Variants in DSCAML1 observed in about 807,000 individuals in gnomAD.
DSCAML1 encodes the protein cell adhesion molecule DSCAML1.
In DSCAML1, 38 loss-of-function variants were observed where a neutral mutation model predicts 200.5. The observed-to-expected ratio is 0.19, with a 90% CI of 0.15 to 0.25. The LOEUF (loss-of-function observed/expected upper bound fraction) is 0.25. Among genes scored for constraint, DSCAML1 ranks in the 10% least tolerant of loss-of-function variants. The probability of loss-of-function intolerance (pLI) is 1.00; values close to 1 mark genes in which losing one functional copy is unlikely to be tolerated. For synonymous variants in DSCAML1, 1,215 were observed against 1,165.0 expected (o/e 1.04, Z -0.87); for missense variants, 2,223 against 2,858.8 (o/e 0.78, Z 5.07).
At position 117,458,768 on chromosome 11, in the gene DSCAML1, T is replaced by C; in HGVS notation, c.3554A>G (p.Gln1185Arg). Residue 1185 changes from glutamine (Q) to arginine (R), a missense_variant, in exon 19 of 33, where the codon CAG becomes CGG. By Grantham distance (43) the Gln-to-Arg change is conservative. Transcript: ENST00000651296. ...DGVRSSVLYI[Q>R]TKEDVPGPPA... Reference sequence around the variant, plus strand: ...CCTGGACTCACCGTCCTCCTTGGTCTGGATGTAGAGCACACTGCTGCGTAC... The same window carrying C: ...CCTGGACTCACCGTCCTCCTTGGTCCGGATGTAGAGCACACTGCTGCGTAC... 1 of 1,613,428 alleles carries C rather than the reference T, an allele frequency of 6.2e-7. No individual in the cohort carries two copies. The highest frequency in any genetic ancestry group is 8.5e-7 in the Non-Finnish European group (1 of 1,179,988).
At chr11:117,559,219 G>A (rs574998171) in intron 3 of DSCAML1, among the ~76,000 whole-genome samples, 2 of 152,182 alleles carry the variant, frequency 1.3e-5, no homozygotes, top group Admixed American at 1.3e-4. Context: ...GGAAAATGCC[G>A]ACCGCCATCA....
At chr11:117,512,761 TCACACACACACACACACACACACACACA>T in intron 8 of DSCAML1, among the ~76,000 whole-genome samples, 1 of 113,158 alleles carries the variant, frequency 8.8e-6, no homozygotes, top group South Asian at 3.5e-4. Context: ...TCCTCTAGGA[TCACACACACACACACACACACACACACA>T]CACACACACA....
chr11:117,538,964 G>C (rs1456671807), intron 3 of DSCAML1, among the ~76,000 whole-genome samples: 1 of 152,114 alleles, frequency 6.6e-6, no homozygotes, highest in Non-Finnish European at 1.5e-5. Context: ...TCCTCCTTCT[G>C]TCCCCAGCAC....
chr11:117,605,907 C>A (rs2051557715), intron 3 of DSCAML1, among the ~76,000 whole-genome samples: 1 of 152,096 alleles, frequency 6.6e-6, no homozygotes, highest in African/African-American at 2.4e-5. Context: ...CGGAGGCCAA[C>A]CCTAACCCCC....
intron 3 of DSCAML1, among the ~76,000 whole-genome samples, chr11:117,649,041 ATGTGTGTGTG>A (rs58257943): frequency 0.029 from 3,933 of 137,910 alleles, 116 homozygotes; most frequent in African/African-American, 0.045. Flanking sequence ...CTCCATATAT[ATGTGTGTGTG>A]TGTGTGTGTG....
Position 117,439,419 on chromosome 11 carries a change from C to T in DSCAML1, c.3991G>A (p.Ala1331Thr), listed in dbSNP as rs374452928. Residue 1331 changes from alanine to threonine, a missense_variant, in exon 23 of 33, where the codon GCC (alanine) becomes ACC (threonine). By Grantham distance (58) the Ala-to-Thr change is moderately conservative (BLOSUM62 0). This residue lies in a region of DSCAML1 where 614 missense variants were observed against 739.1 expected (regional missense o/e 0.83). Coordinates refer to ENST00000651296, the MANE Select transcript of DSCAML1 (RefSeq NM_020693.4). ...TGCCCATCCATGGACACTGGAATGGCCGAGTCTTCACTGCCAGGGGCGAGG... is the reference window on the plus strand; with the variant it reads ...TGCCCATCCATGGACACTGGAATGGTCGAGTCTTCACTGCCAGGGGCGAGG... ...VKWTKDSEDS[A>T]IPVSMDGHRL... is the part of the protein sequence containing the mutation. 3.1e-5 allele frequency: 50 copies of T among 1,612,474 alleles called. No homozygotes were observed. The Admixed American group carries it at 4.3e-4, about 14-fold the overall frequency.
At chr11:117,439,570 C>T (rs1592576761) in intron 22 of DSCAML1, 141 bp from the exon 23 acceptor site, 6 of 1,180,890 alleles carry the variant, frequency 5.1e-6, no homozygotes, top group Non-Finnish European at 5.9e-6. Flanking sequence ...CTTTGCTCAG[C>T]ACTCCCTGGG....
In DSCAML1 at chr11:117,716,824, C is replaced by T. The variant is rs559282655; in HGVS notation, c.511+59967G>A. 7.2e-5 allele frequency among the ~76,000 whole-genome samples: 11 copies of T among 152,328 alleles called. No individual in the cohort carries two copies. The East Asian group carries it at 9.6e-4, about 13-fold the overall frequency. On this transcript the variant is annotated intron_variant, in intron 3 of 32. Coordinates refer to ENST00000651296, the MANE Select transcript of DSCAML1 (RefSeq NM_020693.4). The stretch of plus-strand genomic sequence containing the variant: ...TTTTTGGAACACAGCCATGCCCGCT[C>T]ACCCATGTATTGTCCACAGCTGCTT...
At chr11:117,639,204 C>T (rs1004779678) in intron 3 of DSCAML1, among the ~76,000 whole-genome samples, 9 of 151,980 alleles carry the variant, frequency 5.9e-5, no homozygotes, top group African/African-American at 2.2e-4. Flanking sequence ...CCTAGGGGCC[C>T]CTGGCTGGGA....
intron 3 of DSCAML1, among the ~76,000 whole-genome samples, chr11:117,735,498 G>A (rs111451728): frequency 1.2e-4 from 19 of 152,238 alleles, no homozygotes; most frequent in African/African-American, 4.6e-4. Context: ...GCGGGGCAGG[G>A]GTGGGCGGGG....
chr11:117,433,573 G>A (rs910589085), intron 27 of DSCAML1, 102 bp from the exon 28 acceptor site: 1 of 1,336,930 alleles, frequency 7.5e-7, no homozygotes, highest in African/African-American at 1.4e-5. Context: ...TCCTTAAAAT[G>A]GGGCCAGGGC....
At chr11:117,801,671 G>A (rs768351231), upstream of DSCAML1, 19 of 152,214 alleles carry the variant, frequency 1.2e-4, no homozygotes, top group Non-Finnish European at 2.2e-4. Context: ...GTCTAGGTAT[G>A]CTTGCCACTT....
intron 3 of DSCAML1, among the ~76,000 whole-genome samples, chr11:117,544,043 G>C (rs932692919): frequency 6.6e-6 from 1 of 152,130 alleles, no homozygotes; most frequent in Non-Finnish European, 1.5e-5. Flanking sequence ...GAGTCAGAGG[G>C]AGGAGGAAGC....
At chr11:117,450,448 G>A in intron 20 of DSCAML1, 101 bp downstream of exon 20, 1 of 1,482,672 alleles carries the variant, frequency 6.7e-7, no homozygotes, top group Non-Finnish European at 9.1e-7. Context: ...CAGAAGCTCA[G>A]ATACAGGCAG....
Position 117,536,165 on chromosome 11 carries a change from G to C in DSCAML1, c.512-3643C>G, listed in dbSNP as rs546805858. ...AGGGGTATGATGTTAGTCCCCTTGGGGGGGCTTGTGCAACATCAGTTCTGC... is the reference window on the plus strand; with the variant it reads ...AGGGGTATGATGTTAGTCCCCTTGGCGGGGCTTGTGCAACATCAGTTCTGC... On this transcript the variant is annotated intron_variant, in intron 3 of 32. Coordinates refer to ENST00000651296, the MANE Select transcript of DSCAML1 (RefSeq NM_020693.4). Among the ~76,000 whole-genome samples, 9 of 151,756 alleles carry C rather than the reference G, an allele frequency of 5.9e-5. No individual in the cohort carries two copies. In the South Asian group the frequency reaches 8.4e-4, roughly 14 times the overall value.
In DSCAML1 at chr11:117,780,662, G is replaced by C. The variant is rs371370437; in HGVS notation, c.195C>G (p.Asp65Glu). The C allele has an allele frequency of 6.3e-6, 10 of 1,592,058 alleles. No individual in the cohort carries two copies. Among genetic ancestry groups the C allele is most frequent in the East Asian group, 4.6e-5 (2 of 43,488 alleles). ...AALRWYLATGDDIYDVPHIRH... is the reference protein window; with the variant it reads ...AALRWYLATGEDIYDVPHIRH... Reference sequence around the variant, plus strand: ...GGATGTGCGGCACGTCGTAGATGTCGTCCCCTGTGGCCAGGTACCATCGAA... The same window carrying C: ...GGATGTGCGGCACGTCGTAGATGTCCTCCCCTGTGGCCAGGTACCATCGAA... The change falls in exon 2 of 33, where the codon GAC becomes GAG. Residue 65 changes from aspartate (D) to glutamate (E), a missense_variant. Asp to Glu is a conservative substitution (Grantham distance 45). This residue lies in a region of DSCAML1 where 579 missense variants were observed against 721.5 expected (regional missense o/e 0.80). Transcript: ENST00000651296. This position sits in a 1 kb window ranked among gnomAD's most constrained non-coding sequence, Gnocchi z 4.8.
chr11:117,438,887 C>T lies in DSCAML1; in HGVS notation c.4241G>A (p.Arg1414Gln), dbSNP rs775613586. ...IPGDNGGSSIRGFVLQYSVDN... is the reference protein window; with the variant it reads ...IPGDNGGSSIQGFVLQYSVDN... ...CCCGCATCCAGACCCCTCCTCACCTCGGATGGAGCTGCCCCCATTGTCACC... is the reference window on the plus strand; with the variant it reads ...CCCGCATCCAGACCCCTCCTCACCTTGGATGGAGCTGCCCCCATTGTCACC... The change falls in exon 24 of 33, where the codon CGA (arginine) becomes CAA (glutamine). Residue 1414 changes from arginine to glutamine, a missense_variant and splice_region_variant. Physicochemically the swap from Arg to Gln is conservative, Grantham distance 43. Around this residue, in one of 7 missense-constraint regions of DSCAML1, gnomAD observed 614 missense variants for 739.1 expected, o/e 0.83. Transcript: ENST00000651296. The T allele has an allele frequency of 1.7e-5, 27 of 1,585,796 alleles. No homozygotes were observed. The highest frequency in any genetic ancestry group is 7.0e-5 in the East Asian group (3 of 42,998).
intron 24 of DSCAML1, among the ~76,000 whole-genome samples, chr11:117,438,446 C>G (rs993813646): frequency 6.6e-6 from 1 of 152,084 alleles, no homozygotes; most frequent in Non-Finnish European, 1.5e-5. Context: ...CTAGACACGG[C>G]CCCCTGAGCA....
At chr11:117,733,929 G>C (rs750563487) in intron 3 of DSCAML1, among the ~76,000 whole-genome samples, 6 of 150,480 alleles carry the variant, frequency 4.0e-5, no homozygotes, top group Non-Finnish European at 7.4e-5. Flanking sequence ...CCAATCTCAG[G>C]GACCAATTGC....
Sources: gnomAD v4.1 joint callset for allele counts (sites outside exome capture counted in the v4.1 genomes callset) on GRCh38, gnomAD v4.1.1 for gene constraint, gnomAD v4.1.1 regional missense constraint, Gnocchi (gnomAD v3.1) non-coding constraint, MANE v1.5 for transcripts, NCBI Gene and HGNC (gene_info 2026-07-23, HGNC 2026-07-21) for gene names.